Variants in SLIT3 observed in about 807,000 individuals in gnomAD.
SLIT3 encodes slit homolog 3 protein.
In SLIT3, 68 loss-of-function variants were observed where a neutral mutation model predicts 184.0. That is an observed-to-expected ratio of 0.37 (90% CI 0.30 to 0.45). SLIT3 has a LOEUF of 0.45. Ranked by LOEUF, SLIT3 falls within the 20% of genes least tolerant of loss-of-function variation. The pLI is 1.00. For synonymous variants in SLIT3, 831 were observed against 828.6 expected (o/e 1.00, Z -0.05); for missense variants, 1,707 against 2,026.0 (o/e 0.84, Z 3.02).
At chr5:169,026,083 A>T (rs1045578626) in intron 4 of SLIT3, among the ~76,000 whole-genome samples, 1 of 152,122 alleles carries the variant, frequency 6.6e-6, no homozygotes, top group Admixed American at 6.5e-5. Flanking sequence ...AATTTCATAG[A>T]TGGGGAATTT....
At chr5:169,041,962 C>T (rs972739115) in intron 4 of SLIT3, among the ~76,000 whole-genome samples, 6 of 152,182 alleles carry the variant, frequency 3.9e-5, no homozygotes, top group Non-Finnish European at 7.3e-5. Context: ...CTATTGATCT[C>T]TTCCCTCATT....
At chr5:169,105,224 G>T (rs1760160146) in intron 4 of SLIT3, among the ~76,000 whole-genome samples, 2 of 152,044 alleles carry the variant, frequency 1.3e-5, no homozygotes, top group South Asian at 2.1e-4. Flanking sequence ...ATGTGGGTGG[G>T]GGACGGCTTC....
At chr5:168,758,326 A>G (rs899120153) in intron 16 of SLIT3, among the ~76,000 whole-genome samples, 1 of 152,204 alleles carries the variant, frequency 6.6e-6, no homozygotes, top group African/African-American at 2.4e-5. Flanking sequence ...TTCACCTCAA[A>G]TGGGAGAGTA....
chr5:169,056,545 C>T (rs1043070548), intron 4 of SLIT3, among the ~76,000 whole-genome samples: 1 of 151,850 alleles, frequency 6.6e-6, no homozygotes, highest in African/African-American at 2.4e-5. Context: ...TTATTTAGTG[C>T]TTATAATGGA....
intron 4 of SLIT3, among the ~76,000 whole-genome samples, chr5:168,928,492 C>G (rs1293844084): frequency 6.6e-6 from 1 of 152,166 alleles, no homozygotes; most frequent in African/African-American, 2.4e-5. Context: ...GGGGCCAAGT[C>G]CCAGGTCAGG....
intron 3 of SLIT3, among the ~76,000 whole-genome samples, chr5:169,200,865 G>A (rs1763887283): frequency 6.6e-6 from 1 of 152,158 alleles, no homozygotes; most frequent in Non-Finnish European, 1.5e-5. Flanking sequence ...CAGCAAGGAA[G>A]CTAATTTGTG....
chr5:168,877,930 A>G (rs773686694), intron 5 of SLIT3, among the ~76,000 whole-genome samples: 36 of 151,276 alleles, frequency 2.4e-4, no homozygotes, highest in Admixed American at 1.3e-3. Context: ...GTGGCCTGTC[A>G]TCTCTCTTGT....
At chr5:169,279,698 TGCAC>T (rs1766932012) in intron 1 of SLIT3, among the ~76,000 whole-genome samples, 1 of 152,228 alleles carries the variant, frequency 6.6e-6, no homozygotes, top group African/African-American at 2.4e-5. Context: ...TTATATAATA[TGCAC>T]AAGAGGCAGA....
chr5:168,670,050 TC>T, intron 34 of SLIT3, 59 bp from the exon 35 acceptor site: 1 of 1,464,368 alleles, frequency 6.8e-7, no homozygotes, highest in Admixed American at 1.8e-5. Context: ...TGCTGGGGAC[TC>T]CCTCTGTCCA....
chr5:168,732,269 G>A (rs1763310300), intron 20 of SLIT3, among the ~76,000 whole-genome samples: 1 of 151,954 alleles, frequency 6.6e-6, no homozygotes, highest in Non-Finnish European at 1.5e-5. Flanking sequence ...GGTGAAAGAT[G>A]TCTATCAGGA....
intron 9 of SLIT3, among the ~76,000 whole-genome samples, chr5:168,798,101 T>C (rs1037195945): frequency 6.6e-6 from 1 of 152,056 alleles, no homozygotes; most frequent in East Asian, 1.9e-4. Flanking sequence ...AGGTGTGGCT[T>C]CCAAACGAAG....
chr5:169,193,677 A>G, intron 3 of SLIT3, 127 bp from the exon 4 acceptor site: 1 of 768,558 alleles, frequency 1.3e-6, no homozygotes, highest in Non-Finnish European at 2.3e-6. Context: ...GTCTTTCAGT[A>G]TGGGCTGCTC....
intron 3 of SLIT3, among the ~76,000 whole-genome samples, chr5:169,211,447 G>A (rs144864015): frequency 6.6e-5 from 10 of 152,138 alleles, no homozygotes; most frequent in Admixed American, 2.0e-4. Context: ...TGCTTACAAT[G>A]GGCCATATAT....
At chr5:168,897,647 T>TGCGCGCACACACACACACACACACACAC (rs3223457) in intron 4 of SLIT3, among the ~76,000 whole-genome samples, 3 of 141,414 alleles carry the variant, frequency 2.1e-5, no homozygotes, top group African/African-American at 7.8e-5. Context: ...CAGGTGCACG[T>TGCGCGCACACACACACACACACACACAC]ACACACACAC....
intron 14 of SLIT3, among the ~76,000 whole-genome samples, chr5:168,765,566 T>C (rs1406219997): frequency 6.6e-6 from 1 of 152,208 alleles, no homozygotes; most frequent in Non-Finnish European, 1.5e-5. Flanking sequence ...ACTCAGGGTT[T>C]CTCAGAGCCA....
chr5:168,755,389 A>ATTTATTTATTTCTTTCTTTCTTTC (rs1213373035), intron 16 of SLIT3, among the ~76,000 whole-genome samples: 3 of 133,640 alleles, frequency 2.2e-5, no homozygotes, highest in Non-Finnish European at 3.3e-5. Flanking sequence ...CAGTGCCGCC[A>ATTTATTTATTTCTTTCTTTCTTTC]TTTCTTTCTT....
At position 168,685,690 on chromosome 5, in the gene SLIT3, C is replaced by T; in HGVS notation, c.3552G>A (p.Leu1184=). 1 of 1,556,708 alleles carries T rather than the reference C, an allele frequency of 6.4e-7. No individual in the cohort carries two copies. Among genetic ancestry groups the T allele is most frequent in the Non-Finnish European group, 8.7e-7 (1 of 1,146,958 alleles). ...GGCAGGGCAGGGCGGGACACACCTG[C>T]AGGGAGATGTTGGCCTGGGGTCGGA... ...AKVRPQANIS[L]QVATDKDNGI... The change falls in exon 31 of 36, where the codon CTG becomes CTA. Residue 1184 remains leucine (L), a synonymous_variant. Coordinates refer to ENST00000519560, the MANE Select transcript of SLIT3 (RefSeq NM_003062.4).
intron 4 of SLIT3, among the ~76,000 whole-genome samples, chr5:168,914,248 G>A (rs1761361366): frequency 1.3e-5 from 2 of 152,172 alleles, no homozygotes; most frequent in Non-Finnish European, 2.9e-5. Context: ...GCCCAAGGGG[G>A]TCTCCGAATT....
At chr5:169,059,094 C>CA (rs1758097834) in intron 4 of SLIT3, among the ~76,000 whole-genome samples, 1 of 152,172 alleles carries the variant, frequency 6.6e-6, no homozygotes, top group Non-Finnish European at 1.5e-5. Flanking sequence ...TTTCATCCTT[C>CA]AGCTGGTGCC....
Sources: allele counts gnomAD v4.1 joint callset (sites outside exome capture counted in the v4.1 genomes callset), GRCh38; gene constraint gnomAD v4.1.1; transcripts MANE v1.5; gene names NCBI Gene and HGNC (gene_info 2026-07-23, HGNC 2026-07-21).